The following VWC2L variants were observed in gnomAD, a reference collection of about 807,000 sequenced individuals.
VWC2L encodes von Willebrand factor C domain-containing protein 2-like.
A neutral mutation model predicts 21.6 loss-of-function variants in VWC2L; 10 were observed. That is an observed-to-expected ratio of 0.46 (90% CI 0.29 to 0.78). The LOEUF (loss-of-function observed/expected upper bound fraction) is 0.78. Ranked by LOEUF, VWC2L falls within the 30% of genes least tolerant of loss-of-function variation. The pLI is 0.10. For missense variants in VWC2L, 209 were observed against 277.1 expected, an observed-to-expected ratio of 0.75 and a Z score of 1.74; for synonymous variants, 96 against 94.3, an observed-to-expected ratio of 1.02 and a Z score of -0.10.
Position 214,578,001 on chromosome 2 carries a change from G to A in VWC2L, c.*2181G>A, listed in dbSNP as rs1296889116. 6.6e-6 allele frequency: 1 copy of A among 152,122 alleles called. No homozygotes were observed. The highest frequency in any genetic ancestry group is 1.9e-4 in the East Asian group (1 of 5,184). The allele number at this position is 152,122 out of a possible 1,614,324, so 9.4% of individuals were successfully genotyped here. A position where few individuals can be genotyped will look rare whatever the true frequency, so the allele number is the denominator to read the frequency against. Reference sequence around the variant, plus strand: ...GAATCATTCATGAGCAATGCTGCATGATTTATGTCTGCACTCAAAAGTAAA... The same window carrying A: ...GAATCATTCATGAGCAATGCTGCATAATTTATGTCTGCACTCAAAAGTAAA... On this transcript the variant is annotated 3_prime_UTR_variant, in exon 4 of 4. Coordinates refer to ENST00000312504, the MANE Select transcript of VWC2L (RefSeq NM_001080500.4).
intron 3 of VWC2L, among the ~76,000 whole-genome samples, chr2:214,563,787 G>C (rs1281776964): frequency 6.6e-6 from 1 of 152,036 alleles, no homozygotes; most frequent in Non-Finnish European, 1.5e-5. Context: ...TACAAGACAA[G>C]GATGACCTCT....
intron 3 of VWC2L, among the ~76,000 whole-genome samples, chr2:214,545,320 A>T (rs550739175): frequency 3.3e-5 from 5 of 152,150 alleles, no homozygotes; most frequent in Non-Finnish European, 7.4e-5. Flanking sequence ...GTTCATCTTT[A>T]AGTACTCTTT....
rs1223638623 is a variant in VWC2L, at chr2:214,578,083, C to G, written c.*2263C>G. Reference sequence around the variant, plus strand: ...GAGATGTATTATAGAGCTTTCTTTGCCCCGAGGTTGCCTGTTGCCAACTTC... The same window carrying G: ...GAGATGTATTATAGAGCTTTCTTTGGCCCGAGGTTGCCTGTTGCCAACTTC... On this transcript the variant is annotated 3_prime_UTR_variant, in exon 4 of 4. Transcript: ENST00000312504. 1 of 152,076 alleles carries G rather than the reference C, an allele frequency of 6.6e-6. No individual in the cohort carries two copies. Among genetic ancestry groups the G allele is most frequent in the Non-Finnish European group, 1.5e-5 (1 of 68,020 alleles). The allele number at this position is 152,076 out of a possible 1,614,324, so 9.4% of individuals were successfully genotyped here.
At chr2:214,542,147 C>A (rs1051966585) in intron 3 of VWC2L, among the ~76,000 whole-genome samples, 1 of 152,186 alleles carries the variant, frequency 6.6e-6, no homozygotes, top group African/African-American at 2.4e-5. Context: ...ATTATTAACA[C>A]AGTTCCTTCG....
At chr2:214,414,731 C>A (rs1702329580) in intron 2 of VWC2L, 148 bp downstream of exon 2, 1 of 852,794 alleles carries the variant, frequency 1.2e-6, no homozygotes, top group Non-Finnish European at 1.7e-6. Flanking sequence ...ATAAGTAGCA[C>A]CATGGTCAAC....
At chr2:214,518,100 A>G (rs867853351) in intron 3 of VWC2L, among the ~76,000 whole-genome samples, 1 of 152,108 alleles carries the variant, frequency 6.6e-6, no homozygotes, top group South Asian at 2.1e-4. Flanking sequence ...CAGGAGGCCG[A>G]GCTTGCAGTG....
chr2:214,548,413 T>C (rs1422103329), intron 3 of VWC2L, among the ~76,000 whole-genome samples: 2 of 152,232 alleles, frequency 1.3e-5, no homozygotes, highest in East Asian at 1.9e-4. Context: ...ATATAAACAG[T>C]GCAAGCCAGG....
chr2:214,453,092 A>T (rs1011611187), intron 3 of VWC2L, among the ~76,000 whole-genome samples: 4 of 152,156 alleles, frequency 2.6e-5, no homozygotes, highest in African/African-American at 7.2e-5. Flanking sequence ...ATAATTTATC[A>T]CTATTTTATG....
intron 3 of VWC2L, among the ~76,000 whole-genome samples, chr2:214,563,019 G>A (rs1202571327): frequency 6.6e-6 from 1 of 152,092 alleles, no homozygotes; most frequent in Admixed American, 6.5e-5. Context: ...ATTTTGTCAT[G>A]AAATCTTTCC....
At chr2:214,480,864 CAAAAAAAAAAAAA>C (rs59720596) in intron 3 of VWC2L, among the ~76,000 whole-genome samples, 1 of 71,744 alleles carries the variant, frequency 1.4e-5, no homozygotes, top group African/African-American at 5.4e-5. Flanking sequence ...TATGCCAAGC[CAAAAAAAAAAAAA>C]AAAAAAAAAA....
intron 3 of VWC2L, among the ~76,000 whole-genome samples, chr2:214,516,355 T>C (rs184768389): frequency 6.6e-6 from 1 of 152,218 alleles, no homozygotes; most frequent in East Asian, 1.9e-4. Flanking sequence ...CTCAGTTGTT[T>C]CCAGCATGGC....
chr2:214,443,750 C>T (rs1230864310), intron 3 of VWC2L, among the ~76,000 whole-genome samples: 1 of 151,954 alleles, frequency 6.6e-6, no homozygotes, highest in Admixed American at 6.6e-5. Flanking sequence ...AAGAAATTCC[C>T]GATAAAGTCA....
At chr2:214,487,879 AG>A (rs1349400848) in intron 3 of VWC2L, among the ~76,000 whole-genome samples, 1 of 152,224 alleles carries the variant, frequency 6.6e-6, no homozygotes, top group Non-Finnish European at 1.5e-5. Context: ...AGAGGAGTGA[AG>A]AAACACGGAA....
chr2:214,528,066 C>T (rs888266387), intron 3 of VWC2L, among the ~76,000 whole-genome samples: 3 of 152,132 alleles, frequency 2.0e-5, no homozygotes, highest in Non-Finnish European at 2.9e-5. Flanking sequence ...ATTTCACTTA[C>T]GAAGTGTTTT....
chr2:214,488,728 G>A (rs1306915870), intron 3 of VWC2L, among the ~76,000 whole-genome samples: 2 of 152,194 alleles, frequency 1.3e-5, no homozygotes, highest in South Asian at 2.1e-4. Flanking sequence ...TCTGCTGCCT[G>A]GAGGACTGGG....
intron 3 of VWC2L, among the ~76,000 whole-genome samples, chr2:214,495,666 C>T (rs1158440747): frequency 6.6e-6 from 1 of 152,054 alleles, no homozygotes; most frequent in African/African-American, 2.4e-5. Flanking sequence ...CCACCATCTA[C>T]CAAACAGAGC....
At chr2:214,533,971 C>A (rs180686720) in intron 3 of VWC2L, 10 of 152,564 alleles carry the variant, frequency 6.6e-5, no homozygotes, top group African/African-American at 2.4e-4. Context: ...GCTTTCAATT[C>A]TCTCTTTTTC....
At chr2:214,435,276 A>T (rs1702661890) in intron 2 of VWC2L, among the ~76,000 whole-genome samples, 1 of 152,186 alleles carries the variant, frequency 6.6e-6, no homozygotes, top group Non-Finnish European at 1.5e-5. Flanking sequence ...TTTCTCTGAA[A>T]TGTTTAAACA....
At chr2:214,543,812 T>C (rs921494962) in intron 3 of VWC2L, among the ~76,000 whole-genome samples, 1 of 152,202 alleles carries the variant, frequency 6.6e-6, no homozygotes, top group African/African-American at 2.4e-5. Flanking sequence ...CTACAGGGCA[T>C]ATCACAGTTC....
Sources: allele counts gnomAD v4.1 joint callset (sites outside exome capture counted in the v4.1 genomes callset), GRCh38; gene constraint gnomAD v4.1.1; transcripts MANE v1.5; gene names NCBI Gene and HGNC (gene_info 2026-07-23, HGNC 2026-07-21).